MYH11: variants seen among roughly 807,000 people sequenced by gnomAD.
The protein encoded by MYH11 is myosin heavy chain 11.
Under a neutral mutation model 246.6 loss-of-function variants are expected in MYH11, and 80 were observed. The observed-to-expected ratio is 0.32, with a 90% CI of 0.27 to 0.39. MYH11 has a LOEUF of 0.39. MYH11 is among the 10% of genes least tolerant of loss of function. The probability of loss-of-function intolerance (pLI) is 1.00; values close to 1 mark genes in which losing one functional copy is unlikely to be tolerated. For missense variants in MYH11, 2,158 were observed against 2,546.8 expected (o/e 0.85, Z 3.29); for synonymous variants, 1,071 against 1,015.5 (o/e 1.05, Z -1.04).
At chr16:15,756,899 C>G (rs964710440) in intron 13 of MYH11, among the ~76,000 whole-genome samples, 1 of 149,666 alleles carries the variant, frequency 6.7e-6, no homozygotes, top group African/African-American at 2.5e-5. Context: ...CCTGGGTTCA[C>G]GCCATTCTCC....
intron 2 of MYH11, 122 bp from the exon 3 acceptor site, chr16:15,823,533 C>G: frequency 8.4e-7 from 1 of 1,193,460 alleles, no homozygotes; most frequent in Non-Finnish European, 1.2e-6. Flanking sequence ...AGTGGAAACC[C>G]TGGGCCTCAC....
Position 15,786,751 on chromosome 16 carries a change from T to G in MYH11, c.531-19A>C. On this transcript the variant is annotated intron_variant, in intron 4 of 40. Transcript: ENST00000300036. The stretch of plus-strand genomic sequence containing the variant: ...CTCGCCTCTGAAAGACACGGGAACA[T>G]CATCTATGCACACGTTCCATGGTGA... 1 of 1,605,698 alleles carries G rather than the reference T, an allele frequency of 6.2e-7. No individual in the cohort carries two copies. Among genetic ancestry groups the G allele is most frequent in the South Asian group, 1.1e-5 (1 of 90,616 alleles).
chr16:15,726,567 C>G (rs1451815361), intron 28 of MYH11: 7 of 523,886 alleles, frequency 1.3e-5, no homozygotes, highest in Admixed American at 9.5e-5. Flanking sequence ...GACTTTTCAC[C>G]ATGTTGGCCA....
intron 4 of MYH11, among the ~76,000 whole-genome samples, chr16:15,793,272 T>G (rs1282140663): frequency 1.3e-5 from 2 of 152,116 alleles, no homozygotes; most frequent in African/African-American, 4.8e-5. Flanking sequence ...TTCAGTTTCC[T>G]TCCTTTCTTG....
At chr16:15,788,037 G>A (rs62030572) in intron 4 of MYH11, among the ~76,000 whole-genome samples, 7,658 of 142,410 alleles carry the variant, frequency 0.054, 213 homozygotes, top group Non-Finnish European at 0.061. Flanking sequence ...ATGGTTTGTC[G>A]TATCAAAAAA....
chr16:15,750,897 G>A lies in MYH11; in HGVS notation c.1865-566C>T, dbSNP rs2151264913. Among the ~76,000 whole-genome samples the A allele has an allele frequency of 6.6e-6, 1 of 152,178 alleles. No homozygotes were observed. Among genetic ancestry groups the A allele is most frequent in the East Asian group, 1.9e-4 (1 of 5,172 alleles). On this transcript the variant is annotated intron_variant, in intron 15 of 40. Transcript: ENST00000300036. The surrounding 1 kb of genome is among the most constrained non-coding windows in gnomAD (Gnocchi z 4.3). ...TGGAATATCTTGAGTAGTGAGGTGT[G>A]CGTAGAAAAATAAAAATAGGGTAAA... is the stretch of plus-strand genomic sequence containing the variant.
At chr16:15,746,124 C>T (rs977654233) in intron 19 of MYH11, among the ~76,000 whole-genome samples, 1 of 150,760 alleles carries the variant, frequency 6.6e-6, no homozygotes, top group South Asian at 2.1e-4. Context: ...AGGGGTCTCG[C>T]CATGTTGCCC....
At chr16:15,755,851 G>A (rs996834309) in intron 14 of MYH11, among the ~76,000 whole-genome samples, 1 of 152,228 alleles carries the variant, frequency 6.6e-6, no homozygotes, top group African/African-American at 2.4e-5. Context: ...AGAATCTCTT[G>A]AACCCGGAGG....
At chr16:15,704,931 G>GGC (rs1320881883) in intron 40 of MYH11, among the ~76,000 whole-genome samples, 3 of 151,874 alleles carry the variant, frequency 2.0e-5, no homozygotes, top group African/African-American at 7.3e-5. Flanking sequence ...CTCCTACCTT[G>GGC]GCCTCCCAAA....
At chr16:15,746,842 C>A (rs1028596975) in intron 19 of MYH11, among the ~76,000 whole-genome samples, 1 of 152,172 alleles carries the variant, frequency 6.6e-6, no homozygotes, top group African/African-American at 2.4e-5. Flanking sequence ...AATCCCAGCA[C>A]TTTGGGAGGC....
At chr16:15,802,687 G>A (rs1180995122) in intron 3 of MYH11, among the ~76,000 whole-genome samples, 1 of 152,140 alleles carries the variant, frequency 6.6e-6, no homozygotes, top group African/African-American at 2.4e-5. Flanking sequence ...GGGCTCAAGT[G>A]ACCCACCTGC....
chr16:15,806,955 G>GC (rs1165054616), intron 3 of MYH11, among the ~76,000 whole-genome samples: 2 of 138,264 alleles, frequency 1.4e-5, no homozygotes, highest in African/African-American at 6.0e-5. Flanking sequence ...AATAAGATCT[G>GC]CTTTTTTTTT....
intron 12 of MYH11, among the ~76,000 whole-genome samples, chr16:15,759,277 G>C (rs546090705): frequency 6.6e-6 from 1 of 151,274 alleles, no homozygotes; most frequent in African/African-American, 2.4e-5. Context: ...CGTGAGGGGA[G>C]AGCCTGCTTG....
chr16:15,854,129 C>A (rs766157942), intron 1 of MYH11, among the ~76,000 whole-genome samples: 2 of 152,212 alleles, frequency 1.3e-5, no homozygotes, highest in Non-Finnish European at 2.9e-5. Flanking sequence ...AGATTCTAAT[C>A]ACCACTTTCA....
intron 1 of MYH11, among the ~76,000 whole-genome samples, chr16:15,850,809 C>A (rs1014672456): frequency 6.6e-6 from 1 of 152,040 alleles, no homozygotes; most frequent in Non-Finnish European, 1.5e-5. Flanking sequence ...GTGGGAAGAT[C>A]GCTTGAGCCT....
chr16:15,816,193 C>T (rs8056900), intron 3 of MYH11, among the ~76,000 whole-genome samples: 19,371 of 152,010 alleles, frequency 0.13, 1,297 homozygotes, highest in East Asian at 0.15. Flanking sequence ...TATGAAAGCA[C>T]TAAGGGGAAT....
chr16:15,736,216 C>G (rs1372222783), intron 25 of MYH11, among the ~76,000 whole-genome samples: 1 of 152,156 alleles, frequency 6.6e-6, no homozygotes, highest in East Asian at 1.9e-4. Context: ...TGGATGGGCT[C>G]TGAGGGTGAG....
chr16:15,841,195 G>A (rs1259119804), intron 1 of MYH11, among the ~76,000 whole-genome samples: 1 of 152,228 alleles, frequency 6.6e-6, no homozygotes, highest in Admixed American at 6.6e-5. Context: ...CTGGAGGGCA[G>A]TGGTGCAATC....
intron 37 of MYH11, 120 bp from the exon 38 acceptor site, chr16:15,717,468 G>T: frequency 2.0e-6 from 2 of 998,236 alleles, no homozygotes; most frequent in Non-Finnish European, 3.0e-6. Flanking sequence ...CGGGCACCCT[G>T]TCCTCTCCTT....
Sources: gnomAD v4.1 joint callset for allele counts (sites outside exome capture counted in the v4.1 genomes callset) on GRCh38, gnomAD v4.1.1 for gene constraint, Gnocchi (gnomAD v3.1) non-coding constraint, MANE v1.5 for transcripts, NCBI Gene and HGNC (gene_info 2026-07-23, HGNC 2026-07-21) for gene names.